PHF24: variants seen among roughly 807,000 people sequenced by gnomAD.
PHF24 encodes PHD finger protein 24.
Under a neutral mutation model 42.6 loss-of-function variants are expected in PHF24, and 25 were observed. That is an observed-to-expected ratio of 0.59 (90% confidence interval 0.43 to 0.82). PHF24 has a LOEUF of 0.82. Ranked by LOEUF, PHF24 falls within the 40% of genes least tolerant of loss-of-function variation. The pLI, the probability that PHF24 is intolerant of heterozygous loss-of-function variation, is 0.00. For synonymous variants in PHF24, 185 were observed against 204.8 expected, an observed-to-expected ratio of 0.90 and a Z score of 0.83; for missense variants, 470 against 538.1, an observed-to-expected ratio of 0.87 and a Z score of 1.25.
the PHF24 span, among the ~76,000 whole-genome samples, chr9:34,750,960 A>G: frequency 3.3e-5 from 5 of 152,324 alleles, no homozygotes; most frequent in Admixed American, 1.3e-4. Context: ...ATAAAAAAAC[A>G]AGACCCAGTG....
the PHF24 span, chr9:34,728,586 C>T: frequency 1.3e-6 from 2 of 1,549,290 alleles, no homozygotes; most frequent in Non-Finnish European, 1.7e-6. Context: ...GGAAGGGAGT[C>T]AGAGGAGAGA....
At chr9:34,734,636 ATCCTCTACCTTTGTAGGCCCCAGACC>A in the PHF24 span, among the ~76,000 whole-genome samples, 7 of 152,308 alleles carry the variant, frequency 4.6e-5, no homozygotes, top group Non-Finnish European at 8.8e-5. Context: ...AAAGAAAAAA[ATCCTCTACCTTTGTAGGCCCCAGACC>A]TCCTCTACCT....
At chr9:34,815,319 TTTTG>T in the PHF24 span, among the ~76,000 whole-genome samples, 89,903 of 151,074 alleles carry the variant, frequency 0.6, 27,041 homozygotes, top group Non-Finnish European at 0.62. Flanking sequence ...AGAATTCTTT[TTTTG>T]TTTGTTTGTT....
At chr9:34,782,043 A>G in the PHF24 span, among the ~76,000 whole-genome samples, 4 of 152,238 alleles carry the variant, frequency 2.6e-5, no homozygotes, top group Non-Finnish European at 4.4e-5. Context: ...AGCAGGGTAC[A>G]TGAGCTAGCT....
At chr9:34,759,940 T>C in the PHF24 span, among the ~76,000 whole-genome samples, 1 of 152,200 alleles carries the variant, frequency 6.6e-6, no homozygotes. Context: ...GACTCATTGA[T>C]GAAGGGTGCT....
chr9:34,937,012 C>CGAGA, the PHF24 span, among the ~76,000 whole-genome samples: 2 of 62,094 alleles, frequency 3.2e-5, no homozygotes, highest in Admixed American at 2.0e-4. Flanking sequence ...CCGCCCCGTC[C>CGAGA]GGGAGGGAGG....
At chr9:34,927,934 A>G in the PHF24 span, among the ~76,000 whole-genome samples, 1 of 152,224 alleles carries the variant, frequency 6.6e-6, no homozygotes, top group Admixed American at 6.5e-5. Flanking sequence ...GTTTTAAAAC[A>G]TTAATGAGTT....
chr9:34,720,989 C>T, the PHF24 span, among the ~76,000 whole-genome samples: 2 of 152,172 alleles, frequency 1.3e-5, no homozygotes, highest in African/African-American at 4.8e-5. Flanking sequence ...AGACACGGTC[C>T]CTTCCCAGGT....
chr9:34,908,597 G>A, the PHF24 span, among the ~76,000 whole-genome samples: 1 of 152,126 alleles, frequency 6.6e-6, no homozygotes, highest in Non-Finnish European at 1.5e-5. Context: ...AGGAGATAAG[G>A]GAGCAACTCA....
chr9:34,933,191 A>G, the PHF24 span, among the ~76,000 whole-genome samples: 433 of 152,294 alleles, frequency 2.8e-3, 3 homozygotes, highest in African/African-American at 0.01. Flanking sequence ...GTAGTAGTCA[A>G]TCAATAAATA....
At chr9:34,837,632 A>C in the PHF24 span, 48 of 1,505,914 alleles carry the variant, frequency 3.2e-5, no homozygotes, top group Admixed American at 9.4e-4. Flanking sequence ...GAAGGGAGTC[A>C]GAGGAGAGAT....
chr9:34,929,142 T>G, the PHF24 span, among the ~76,000 whole-genome samples: 1 of 152,216 alleles, frequency 6.6e-6, no homozygotes, highest in Non-Finnish European at 1.5e-5. Flanking sequence ...TCTCCCTATC[T>G]GAATATTTCT....
chr9:34,843,050 G>A, the PHF24 span, among the ~76,000 whole-genome samples: 1 of 152,060 alleles, frequency 6.6e-6, no homozygotes, highest in African/African-American at 2.4e-5. Flanking sequence ...TTCCTATTGT[G>A]TTAATTTTTA....
At chr9:34,739,464 G>A in the PHF24 span, among the ~76,000 whole-genome samples, 1 of 152,180 alleles carries the variant, frequency 6.6e-6, no homozygotes, top group East Asian at 1.9e-4. Flanking sequence ...GATAGTCACT[G>A]CATCATTATG....
At chr9:34,895,608 T>C in the PHF24 span, 3 of 399,080 alleles carry the variant, frequency 7.5e-6, no homozygotes, top group Non-Finnish European at 1.3e-5. Flanking sequence ...GGTACCAAGC[T>C]TAATTTTTGG....
chr9:34,888,686 T>A, the PHF24 span, among the ~76,000 whole-genome samples: 1 of 152,212 alleles, frequency 6.6e-6, no homozygotes, highest in African/African-American at 2.4e-5. Flanking sequence ...GGACCTTCCC[T>A]CCAGGTTGTC....
At chr9:34,727,903 CCACTGT>C in the PHF24 span, 1 of 908,892 alleles carries the variant, frequency 1.1e-6, no homozygotes, top group African/African-American at 1.7e-5. Flanking sequence ...GTCCCTGCTT[CCACTGT>C]GTATGTCTCC....
At chr9:34,976,255 A>G (rs1331935397) in intron 4 of PHF24, 25 bp downstream of exon 4, 7 of 1,587,492 alleles carry the variant, frequency 4.4e-6, no homozygotes, top group Non-Finnish European at 6.1e-6. Flanking sequence ...TGCTGCATGG[A>G]TGGAGAGGGG....
the PHF24 span, among the ~76,000 whole-genome samples, chr9:34,797,205 C>A: frequency 3.9e-5 from 6 of 152,092 alleles, no homozygotes; most frequent in African/African-American, 1.4e-4. Context: ...GGGCTTTGAC[C>A]CCACGGCAGT....
Sources: allele counts gnomAD v4.1 joint callset (sites outside exome capture counted in the v4.1 genomes callset), GRCh38; gene constraint gnomAD v4.1.1; transcripts MANE v1.5; gene names NCBI Gene and HGNC (gene_info 2026-07-23, HGNC 2026-07-21).